LGI1: variants seen among roughly 807,000 people sequenced by gnomAD.
LGI1 encodes the protein leucine rich glioma inactivated 1, also known as leucine-rich glioma-inactivated protein 1.
Under a neutral mutation model 57.7 loss-of-function variants are expected in LGI1, and 11 were observed. That is an observed-to-expected ratio of 0.19 (90% CI 0.12 to 0.32). LGI1 has a LOEUF of 0.32. Among genes scored for constraint, LGI1 ranks in the 10% least tolerant of loss-of-function variants. The pLI is 1.00. For missense variants in LGI1, 422 were observed against 661.9 expected (o/e 0.64, Z 3.98); for synonymous variants, 222 against 241.9 (o/e 0.92, Z 0.76).
Position 93,758,668 on chromosome 10 carries a change from G to A in LGI1, c.216-92G>A, listed in dbSNP as rs563389163. ...ATAGTGTCAAAATAGTCACTGTTAT[G>A]CTAAACCGGATTAACATAAGGTTTG... On this transcript the variant is annotated intron_variant, in intron 1 of 7. Coordinates refer to ENST00000371418, the MANE Select transcript of LGI1 (RefSeq NM_005097.4). The surrounding 1 kb of genome is among the most constrained non-coding windows in gnomAD (Gnocchi z 4.7). The A allele has an allele frequency of 4.4e-6, 4 of 902,794 alleles. No homozygotes were observed. In the East Asian group the frequency reaches 9.8e-5, roughly 22 times the overall value. The allele number at this position is 902,794 out of a possible 1,614,324, so 55.9% of individuals were successfully genotyped here.
At chr10:93,775,280 G>A (rs964810351) in intron 2 of LGI1, among the ~76,000 whole-genome samples, 5 of 152,124 alleles carry the variant, frequency 3.3e-5, no homozygotes, top group Admixed American at 6.6e-5. Context: ...TAGCAGCATA[G>A]ATTAGTTTTT....
intron 2 of LGI1, among the ~76,000 whole-genome samples, chr10:93,773,201 T>A (rs1382851939): frequency 6.6e-6 from 1 of 152,210 alleles, no homozygotes; most frequent in African/African-American, 2.4e-5. Flanking sequence ...CTGCTTACTC[T>A]AATTAATTCC....
chr10:93,790,739 A>C (rs894082839), intron 5 of LGI1: 6 of 152,458 alleles, frequency 3.9e-5, no homozygotes, highest in Non-Finnish European at 7.3e-5. Flanking sequence ...CCCTTTTTCA[A>C]ACAAAAGAGC....
intron 5 of LGI1, chr10:93,790,404 T>C: frequency 1.9e-6 from 1 of 533,480 alleles, no homozygotes; most frequent in South Asian, 2.5e-5. Context: ...TTTGACAAAG[T>C]GTGTGTCAAT....
At chr10:93,795,273 G>T (rs1235993785) in intron 7 of LGI1, among the ~76,000 whole-genome samples, 2 of 152,186 alleles carry the variant, frequency 1.3e-5, no homozygotes, top group East Asian at 3.9e-4. Context: ...TAATTTATAA[G>T]AACAGAAATT....
chr10:93,797,366 T>A lies in LGI1; in HGVS notation c.1237T>A (p.Trp413Arg). 6.2e-7 allele frequency: 1 copy of A among 1,614,198 alleles called. No individual in the cohort carries two copies. The highest frequency in any genetic ancestry group is 8.5e-7 in the Non-Finnish European group (1 of 1,180,044). ...TTCCCAGCGTCCTGTAATTTATCAG[T>A]GGAACAAAGCAACACAATTATTCAC... ...SSSQRPVIYQ[W>R]NKATQLFTNQ... Residue 413 changes from tryptophan (W) to arginine (R), a missense_variant, in exon 8 of 8, where the codon TGG (tryptophan) becomes AGG (arginine). Trp to Arg is a moderately radical substitution (Grantham distance 101). Transcript: ENST00000371418. The surrounding 1 kb of genome is among the most constrained non-coding windows in gnomAD (Gnocchi z 6.5).
rs2134027164 is a variant in LGI1 at position 93,797,728 on chromosome 10, T to C, written c.1599T>C (p.Arg533=). ...RSFTHVSINK[R]NFLFASSFKG... is the part of the protein sequence containing the mutation. ...TCACACATGTGTCCATTAATAAGCG[T>C]AATTTTCTTTTTGCTTCCAGTTTTA... Residue 533 remains arginine, a synonymous_variant, in exon 8 of 8, where the codon CGT becomes CGC. Transcript: ENST00000371418. The surrounding 1 kb of genome is among the most constrained non-coding windows in gnomAD (Gnocchi z 6.5). The C allele has an allele frequency of 1.2e-6, 2 of 1,612,202 alleles. No homozygotes were observed. The highest frequency in any genetic ancestry group is 8.5e-7 in the Non-Finnish European group (1 of 1,180,000).
chr10:93,774,984 A>G (rs1318249420), intron 2 of LGI1, among the ~76,000 whole-genome samples: 3 of 152,228 alleles, frequency 2.0e-5, no homozygotes. Flanking sequence ...ATCTTTTTCC[A>G]TAGAAACTAC....
intron 2 of LGI1, among the ~76,000 whole-genome samples, chr10:93,765,857 C>A (rs1256116775): frequency 6.6e-6 from 1 of 151,454 alleles, no homozygotes; most frequent in African/African-American, 2.4e-5. Flanking sequence ...GTAGTCCCAG[C>A]TACTCGGGAG....
At chr10:93,791,547 C>T (rs1300395832) in intron 5 of LGI1, 1 of 152,178 alleles carries the variant, frequency 6.6e-6, no homozygotes, top group African/African-American at 2.4e-5. Flanking sequence ...AGGATCCATG[C>T]CAACTTGCCT....
intron 7 of LGI1, 51 bp from the exon 8 acceptor site, chr10:93,796,917 G>A: frequency 1.4e-6 from 2 of 1,432,816 alleles, no homozygotes; most frequent in Non-Finnish European, 9.8e-7. Flanking sequence ...ATGTTTACAT[G>A]CTCCAAAAGA....
chr10:93,761,901 A>T (rs912956675), intron 2 of LGI1, among the ~76,000 whole-genome samples: 1 of 152,198 alleles, frequency 6.6e-6, no homozygotes, highest in Non-Finnish European at 1.5e-5. Context: ...GCTTTTAGTG[A>T]TAGAAAGTGG....
intron 4 of LGI1, 133 bp downstream of exon 4, chr10:93,777,750 A>G: frequency 1.4e-6 from 1 of 690,156 alleles, no homozygotes; most frequent in Non-Finnish European, 2.6e-6. Flanking sequence ...CTCCATGCAC[A>G]CTTGCCATCT....
chr10:93,761,872 C>T lies in LGI1; in HGVS notation c.287+3041C>T, dbSNP rs545903692. Among the ~76,000 whole-genome samples the T allele has an allele frequency of 1.3e-3, 202 of 152,212 alleles. 1 individual carries two copies. Among genetic ancestry groups the T allele is most frequent in the Non-Finnish European group, 4.9e-4 (33 of 68,016 alleles). ...AGTTTCGAAACATAACCAATGACAA[C>T]GATTATGCGTTCTAGCTTGCTTTTA... On this transcript the variant is annotated intron_variant, in intron 2 of 7. Transcript: ENST00000371418.
chr10:93,789,554 T>C (rs2059918829), intron 4 of LGI1: 1 of 157,590 alleles, frequency 6.3e-6, no homozygotes, highest in Admixed American at 6.1e-5. Context: ...GAAAGATCAA[T>C]GCCCAGGAAT....
chr10:93,781,217 G>A (rs551127769), intron 4 of LGI1, among the ~76,000 whole-genome samples: 16 of 152,126 alleles, frequency 1.1e-4, no homozygotes, highest in Non-Finnish European at 1.9e-4. Flanking sequence ...AAATTAGCCG[G>A]GCGTGGTGGT....
Position 93,777,637 on chromosome 10 carries a change from T to C in LGI1, c.431+20T>C. ...TCACTTGTAAGTATGAATGTTGCTA[T>C]TACTTTTTAAGCTTGCTAATGGACA... On this transcript the variant is annotated intron_variant, in intron 4 of 7. Coordinates refer to ENST00000371418, the MANE Select transcript of LGI1 (RefSeq NM_005097.4). 6.3e-7 allele frequency: 1 copy of C among 1,591,848 alleles called. No homozygotes were observed. Among genetic ancestry groups the C allele is most frequent in the Non-Finnish European group, 8.6e-7 (1 of 1,160,424 alleles).
At chr10:93,792,039 T>C (rs535029814) in intron 5 of LGI1, 1 of 152,628 alleles carries the variant, frequency 6.6e-6, no homozygotes, top group African/African-American at 2.4e-5. Flanking sequence ...GTGCTCCTAG[T>C]ACAACTGAGA....
chr10:93,777,674 T>A, intron 4 of LGI1, 57 bp downstream of exon 4: 2 of 1,383,912 alleles, frequency 1.4e-6, no homozygotes, highest in Non-Finnish European at 2.0e-6. Flanking sequence ...TGCAGTTTGA[T>A]CACCTGTGGT....
Sources: gnomAD v4.1 joint callset for allele counts (sites outside exome capture counted in the v4.1 genomes callset) on GRCh38, gnomAD v4.1.1 for gene constraint, Gnocchi (gnomAD v3.1) non-coding constraint, MANE v1.5 for transcripts, NCBI Gene and HGNC (gene_info 2026-07-23, HGNC 2026-07-21) for gene names.